Variants in SORBS2 observed in about 807,000 individuals in gnomAD.
The protein encoded by SORBS2 is sorbin and SH3 domain containing 2, also known as sorbin and SH3 domain-containing protein 2.
In SORBS2, 46 loss-of-function variants were observed where a neutral mutation model predicts 97.7. That is an observed-to-expected ratio of 0.47 (90% CI 0.37 to 0.60). The LOEUF is 0.60. SORBS2 is among the 20% of genes least tolerant of loss of function. The pLI is 0.00. For missense variants in SORBS2, 1,316 were observed against 1,282.3 expected, an observed-to-expected ratio of 1.03 and a Z score of -0.40; for synonymous variants, 476 against 473.4, an observed-to-expected ratio of 1.01 and a Z score of -0.07.
chr4:185,767,224 C>A (rs1311993396), intron 2 of SORBS2, among the ~76,000 whole-genome samples: 2 of 152,100 alleles, frequency 1.3e-5, no homozygotes, highest in African/African-American at 2.4e-5. Context: ...GCTGGCCGGG[C>A]GCGGTGGCTC....
At chr4:185,621,920 C>A (rs2096726307) in intron 7 of SORBS2, among the ~76,000 whole-genome samples, 1 of 152,110 alleles carries the variant, frequency 6.6e-6, no homozygotes, top group Non-Finnish European at 1.5e-5. Flanking sequence ...TAGGCCTATG[C>A]CAGTTTTATT....
At chr4:185,934,855 G>T (rs2099268210) in intron 1 of SORBS2, among the ~76,000 whole-genome samples, 1 of 151,902 alleles carries the variant, frequency 6.6e-6, no homozygotes, top group Non-Finnish European at 1.5e-5. Flanking sequence ...CTCAAGACGG[G>T]GTCTGTCTTT....
At chr4:185,847,104 C>G (rs1383019618) in intron 1 of SORBS2, among the ~76,000 whole-genome samples, 1 of 152,024 alleles carries the variant, frequency 6.6e-6, no homozygotes, top group Non-Finnish European at 1.5e-5. Context: ...ACTTCTGTCC[C>G]CAAAACTTAC....
chr4:185,847,192 G>C (rs1287564274), intron 1 of SORBS2, among the ~76,000 whole-genome samples: 1 of 152,160 alleles, frequency 6.6e-6, no homozygotes, highest in Non-Finnish European at 1.5e-5. Flanking sequence ...GTCTGCTCCA[G>C]TGGACTTTTT....
chr4:185,737,058 T>C (rs1470063597), intron 2 of SORBS2, among the ~76,000 whole-genome samples: 3 of 152,210 alleles, frequency 2.0e-5, no homozygotes, highest in Non-Finnish European at 4.4e-5. Flanking sequence ...CCTCCTTCCC[T>C]ATAGAACAGT....
chr4:185,772,144 T>G (rs1040496941), intron 2 of SORBS2: 3 of 152,064 alleles, frequency 2.0e-5, no homozygotes, highest in African/African-American at 4.8e-5. Flanking sequence ...AGCTTACAAA[T>G]CTCCCTTTTC....
intron 1 of SORBS2, among the ~76,000 whole-genome samples, chr4:185,871,313 T>C (rs1284440584): frequency 6.6e-6 from 1 of 152,014 alleles, no homozygotes; most frequent in Non-Finnish European, 1.5e-5. Context: ...ACTAAGCCCA[T>C]GAAACAAAGA....
At chr4:185,938,238 T>A (rs937152737) in intron 1 of SORBS2, among the ~76,000 whole-genome samples, 2 of 151,914 alleles carry the variant, frequency 1.3e-5, no homozygotes, top group Non-Finnish European at 2.9e-5. Flanking sequence ...CCTCAGGTCA[T>A]CCACCCGCCT....
At chr4:185,763,360 T>A (rs575909970) in intron 2 of SORBS2, among the ~76,000 whole-genome samples, 2 of 152,318 alleles carry the variant, frequency 1.3e-5, no homozygotes, top group Admixed American at 6.5e-5. Context: ...GAGGGAAACC[T>A]GTACCACCTG....
intron 1 of SORBS2, among the ~76,000 whole-genome samples, chr4:185,845,328 G>A (rs2099213961): frequency 2.0e-5 from 3 of 152,132 alleles, no homozygotes; most frequent in South Asian, 4.1e-4. Context: ...CCATGAAAAT[G>A]TTTTTGAAGT....
chr4:185,939,811 G>A (rs2099270972), intron 1 of SORBS2, among the ~76,000 whole-genome samples: 1 of 152,102 alleles, frequency 6.6e-6, no homozygotes, highest in Admixed American at 6.6e-5. Context: ...CGCCTGGCCT[G>A]TCTCAACTTT....
chr4:185,823,093 G>T (rs151302263), intron 1 of SORBS2, among the ~76,000 whole-genome samples: 1 of 152,154 alleles, frequency 6.6e-6, no homozygotes, highest in Non-Finnish European at 1.5e-5. Context: ...AGAGGAATAC[G>T]TACTGACTCT....
In SORBS2 at chr4:185,777,079, C is replaced by G. The variant is rs939210943; in HGVS notation, c.-337-1713G>C. ...AAAAAAAAGGGTTACATGACTACTA[C>G]TTCAAGTACTATTTAAAAACAGTGA... On this transcript the variant is annotated intron_variant, in intron 1 of 20. Coordinates refer to the SORBS2 transcript ENST00000284776. Among the ~76,000 whole-genome samples, 30 of 152,106 alleles carry G rather than the reference C, an allele frequency of 2.0e-4. 1 individual carries two copies. The highest frequency in any genetic ancestry group is 3.7e-4 in the Non-Finnish European group (25 of 68,026).
At chr4:185,790,179 T>C (rs770893193) in intron 1 of SORBS2, among the ~76,000 whole-genome samples, 2 of 152,152 alleles carry the variant, frequency 1.3e-5, no homozygotes, top group African/African-American at 2.4e-5. Flanking sequence ...GACAGTCATC[T>C]GCGCACAACA....
At chr4:185,615,320 C>A in intron 9 of SORBS2, 161 bp from the exon 22 acceptor site, 1 of 603,506 alleles carries the variant, frequency 1.7e-6, no homozygotes, top group East Asian at 2.8e-5. Flanking sequence ...CTTGCAAATT[C>A]TTAGAATGCA....
chr4:185,599,212 C>T (rs1048560988), intron 12 of SORBS2, among the ~76,000 whole-genome samples: 9 of 152,132 alleles, frequency 5.9e-5, no homozygotes, highest in African/African-American at 9.7e-5. Context: ...TGCAGAAGCA[C>T]GGCCATGCGA....
chr4:185,776,076 TTG>T (rs1286612303), intron 1 of SORBS2, among the ~76,000 whole-genome samples: 3 of 152,116 alleles, frequency 2.0e-5, no homozygotes, highest in Non-Finnish European at 4.4e-5. Context: ...AGCCTTCATT[TTG>T]TTTCTAGAAA....
chr4:185,638,896 G>C (rs541024549), intron 4 of SORBS2: 3 of 1,483,462 alleles, frequency 2.0e-6, no homozygotes, highest in East Asian at 2.8e-5. Context: ...AGACAGAGCC[G>C]GGGCGCGCGA....
intron 2 of SORBS2, among the ~76,000 whole-genome samples, chr4:185,734,547 G>C (rs1216254766): frequency 3.3e-5 from 5 of 152,128 alleles, no homozygotes; most frequent in Admixed American, 6.5e-5. Flanking sequence ...AAAGCTTCCT[G>C]TGTGGCCACT....
Sources: allele counts gnomAD v4.1 joint callset (sites outside exome capture counted in the v4.1 genomes callset), GRCh38; gene constraint gnomAD v4.1.1; transcripts MANE v1.5; gene names NCBI Gene and HGNC (gene_info 2026-07-23, HGNC 2026-07-21).